DUSP16: variants seen among roughly 807,000 people sequenced by gnomAD.
DUSP16 encodes the protein dual specificity protein phosphatase 16.
Under a neutral mutation model 58.3 loss-of-function variants are expected in DUSP16, and 21 were observed. That is an observed-to-expected ratio of 0.36 (90% CI 0.26 to 0.52). The LOEUF (loss-of-function observed/expected upper bound fraction) is 0.52, where lower values mean the gene tolerates loss of function less well. DUSP16 is among the 20% of genes least tolerant of loss of function. DUSP16 has a pLI of 0.94. For synonymous variants in DUSP16, 320 were observed against 323.8 expected (o/e 0.99, Z 0.12); for missense variants, 726 against 819.0 (o/e 0.89, Z 1.39).
At chr12:12,528,838 G>A (rs537413243) in intron 1 of DUSP16, among the ~76,000 whole-genome samples, 2 of 145,176 alleles carry the variant, frequency 1.4e-5, no homozygotes, top group East Asian at 3.9e-4. Context: ...AGAAAAAATA[G>A]AGCAAGAGCA....
At chr12:12,545,759 T>C (rs1464656333) in intron 1 of DUSP16, among the ~76,000 whole-genome samples, 1 of 152,166 alleles carries the variant, frequency 6.6e-6, no homozygotes, top group Non-Finnish European at 1.5e-5. Flanking sequence ...TGGTCAAATC[T>C]TAAGTTACCC....
In DUSP16 at chr12:12,521,246, T is replaced by A; in HGVS notation, c.-148A>T. On this transcript the variant is annotated 5_prime_UTR_variant, in exon 2 of 7. The change abolishes an upstream ATG in the 5' untranslated region. Transcript: ENST00000298573. ...ACTGGCAAAAGGAGAGTTAAACCCA[T>A]TTTCAGCAAGAGCCCTCCAAGTGAA... 6.9e-7 allele frequency: 1 copy of A among 1,451,810 alleles called. No homozygotes were observed. The highest frequency in any genetic ancestry group is 2.6e-5 in the Admixed American group (1 of 38,240). The allele number at this position is 1,451,810 out of a possible 1,614,324, so 89.9% of individuals were successfully genotyped here.
chr12:12,529,914 C>A (rs75815877), intron 1 of DUSP16, among the ~76,000 whole-genome samples: 9,736 of 152,188 alleles, frequency 0.064, 454 homozygotes, highest in East Asian at 0.2. Context: ...ATATATACCA[C>A]GTTTTCTTTA....
At chr12:12,499,267 T>C (rs1205769381) in intron 4 of DUSP16, among the ~76,000 whole-genome samples, 5 of 152,194 alleles carry the variant, frequency 3.3e-5, no homozygotes, top group Admixed American at 1.3e-4. Context: ...TAGGAATGCA[T>C]GGGACTTTAA....
At chr12:12,528,846 G>A (rs1167729531) in intron 1 of DUSP16, among the ~76,000 whole-genome samples, 2 of 145,540 alleles carry the variant, frequency 1.4e-5, no homozygotes, top group East Asian at 3.9e-4. Flanking sequence ...TAGAGCAAGA[G>A]CAAAGGGTGT....
At chr12:12,556,337 T>C (rs1322973058) in intron 1 of DUSP16, among the ~76,000 whole-genome samples, 2 of 152,088 alleles carry the variant, frequency 1.3e-5, no homozygotes, top group Admixed American at 6.5e-5. Context: ...GCAGGAAGAC[T>C]GCTTGAAGCC....
intron 3 of DUSP16, among the ~76,000 whole-genome samples, chr12:12,503,058 G>C (rs1943932635): frequency 1.3e-5 from 1 of 75,672 alleles, no homozygotes; most frequent in Non-Finnish European, 2.5e-5. Context: ...CTAGTTGTCT[G>C]ATTTGTCAAG....
rs1212048399 is a variant in DUSP16 at position 12,475,635 on chromosome 12, G to GAAAC, written c.*1194_*1197dup. ...AATGTGAAAGTCTGAGGCAATCATA[G>GAAAC]AAACATCAGCCCCATCGCATGCCGA... On this transcript the variant is annotated 3_prime_UTR_variant, in exon 7 of 7. Coordinates refer to ENST00000298573, the MANE Select transcript of DUSP16 (RefSeq NM_030640.3). 9.9e-5 allele frequency: 15 copies of GAAAC among 152,258 alleles called. No homozygotes were observed. In the East Asian group the frequency reaches 2.7e-3, roughly 27 times the overall value. The allele number at this position is 152,258 out of a possible 1,614,324, so 9.4% of individuals were successfully genotyped here.
intron 4 of DUSP16, among the ~76,000 whole-genome samples, chr12:12,487,547 C>T (rs764653477): frequency 5.3e-5 from 8 of 152,156 alleles, no homozygotes; most frequent in Admixed American, 1.3e-4. Flanking sequence ...TCTTCCCACA[C>T]GGAACACGCT....
intron 5 of DUSP16, among the ~76,000 whole-genome samples, chr12:12,485,681 A>G (rs892685090): frequency 2.0e-5 from 3 of 150,960 alleles, no homozygotes; most frequent in African/African-American, 4.9e-5. Flanking sequence ...AGGTTTTGCT[A>G]TGTTGCCCAA....
At chr12:12,532,448 A>G (rs866484809) in intron 1 of DUSP16, among the ~76,000 whole-genome samples, 60 of 152,252 alleles carry the variant, frequency 3.9e-4, no homozygotes, top group African/African-American at 1.4e-3. Context: ...CAGGCATACA[A>G]ACACATACGA....
At position 12,505,618 on chromosome 12, in the gene DUSP16, C is replaced by T. The variant is rs570466008; in HGVS notation, c.368-4936G>A. Among the ~76,000 whole-genome samples the T allele has an allele frequency of 5.8e-4, 88 of 152,266 alleles. 2 individuals carry two copies. Among genetic ancestry groups the T allele is most frequent in the Admixed American group, 5.2e-3 (79 of 15,304 alleles). ...AATTCTGCAATAATCATAAACTGAG[C>T]CATCAGCCAGGCTGTTCGAGGTCCA... On this transcript the variant is annotated intron_variant, in intron 3 of 6. Coordinates refer to ENST00000298573, the MANE Select transcript of DUSP16 (RefSeq NM_030640.3).
At chr12:12,522,604 C>G (rs955013804) in intron 1 of DUSP16, among the ~76,000 whole-genome samples, 2 of 151,612 alleles carry the variant, frequency 1.3e-5, no homozygotes, top group Non-Finnish European at 2.9e-5. Context: ...TGCTCTGTCA[C>G]CCAGGCTGCA....
In DUSP16 at chr12:12,487,204, T is replaced by C. The variant is rs577368301; in HGVS notation, c.532-17A>G. 6.2e-7 allele frequency: 1 copy of C among 1,611,740 alleles called. No homozygotes were observed. Among genetic ancestry groups the C allele is most frequent in the African/African-American group, 1.3e-5 (1 of 74,942 alleles). On this transcript the variant is annotated splice_polypyrimidine_tract_variant and intron_variant, in intron 4 of 6. Transcript: ENST00000298573. ...CATCAGCTCCTATGGAGAGAAAGAG[T>C]AGCAGTTAAAGTGACTAATAATATA... is the stretch of plus-strand genomic sequence containing the variant.
rs537328194 is a variant in DUSP16, at chr12:12,550,865, A to G, written c.-366+11252T>C. On this transcript the variant is annotated intron_variant, in intron 1 of 6. Transcript: ENST00000298573. ...TGTAACAAACCTGCACGTGCTGCAC[A>G]TGTACCCCAAAACTTAAAGTATAAT... is the stretch of plus-strand genomic sequence containing the variant. 2.0e-5 allele frequency among the ~76,000 whole-genome samples: 3 copies of G among 152,128 alleles called. No homozygotes were observed. The East Asian group carries it at 5.8e-4, about 29-fold the overall frequency.
chr12:12,529,739 T>C (rs912266321), intron 1 of DUSP16, among the ~76,000 whole-genome samples: 3 of 152,200 alleles, frequency 2.0e-5, no homozygotes, highest in Non-Finnish European at 4.4e-5. Flanking sequence ...TCTACTTCCA[T>C]GAGATCAACT....
At chr12:12,520,703 G>A (rs3815591) in intron 2 of DUSP16, among the ~76,000 whole-genome samples, 168 bp downstream of exon 2, 82,270 of 152,024 alleles carry the variant, frequency 0.54, 22,582 homozygotes, top group East Asian at 0.71. Context: ...ATTAAATGTG[G>A]CAATATGGAC....
At chr12:12,529,189 G>A (rs12368847) in intron 1 of DUSP16, among the ~76,000 whole-genome samples, 32,600 of 152,120 alleles carry the variant, frequency 0.21, 4,373 homozygotes, top group Admixed American at 0.28. Context: ...TCAGTTTACT[G>A]CAACCTTCAA....
At chr12:12,509,389 A>G (rs57214596) in intron 3 of DUSP16, among the ~76,000 whole-genome samples, 185 of 152,314 alleles carry the variant, frequency 1.2e-3, no homozygotes, top group African/African-American at 3.6e-3. Flanking sequence ...TCAACAAAAT[A>G]CATTTTACAC....
Sources: gnomAD v4.1 joint callset for allele counts (sites outside exome capture counted in the v4.1 genomes callset) on GRCh38, gnomAD v4.1.1 for gene constraint, MANE v1.5 for transcripts, NCBI Gene and HGNC (gene_info 2026-07-23, HGNC 2026-07-21) for gene names.